GRK3: variants seen among roughly 807,000 people sequenced by gnomAD.
The protein encoded by GRK3 is G protein-coupled receptor kinase 3, also known as adrenergic, beta, receptor kinase 2.
In GRK3, 54 loss-of-function variants were observed where a neutral mutation model predicts 95.7. The observed-to-expected ratio is 0.56, with a 90% CI of 0.45 to 0.71. GRK3 has a LOEUF of 0.71. Among genes scored for constraint, GRK3 ranks in the 30% least tolerant of loss-of-function variants. The probability of loss-of-function intolerance (pLI) is 0.00; values close to 1 mark genes in which losing one functional copy is unlikely to be tolerated. For missense variants in GRK3, 649 were observed against 851.2 expected, an observed-to-expected ratio of 0.76 and a Z score of 2.96; for synonymous variants, 281 against 290.8, an observed-to-expected ratio of 0.97 and a Z score of 0.34.
rs974725093 is a variant in GRK3, at chr22:25,725,779, T to C, written c.*3329T>C. 1.0e-5 allele frequency: 4 copies of C among 391,990 alleles called. No homozygotes were observed. Among genetic ancestry groups the C allele is most frequent in the African/African-American group, 8.3e-5 (4 of 48,470 alleles). The allele number at this position is 391,990 out of a possible 1,614,324, so 24.3% of individuals were successfully genotyped here. On this transcript the variant is annotated 3_prime_UTR_variant, in exon 21 of 21. Transcript: ENST00000324198. ...GGTTAGCAGAGTGAAACCCCGTCTCTACTAAAAATACAAATAAAAATTAGC... is the reference window on the plus strand; with the variant it reads ...GGTTAGCAGAGTGAAACCCCGTCTCCACTAAAAATACAAATAAAAATTAGC...
At chr22:25,638,754 T>C (rs6004727) in intron 2 of GRK3, among the ~76,000 whole-genome samples, 373 of 152,318 alleles carry the variant, frequency 2.4e-3, no homozygotes, top group African/African-American at 8.5e-3. Context: ...ATCTCCCTTC[T>C]CTGCCTGCTG....
intron 1 of GRK3, among the ~76,000 whole-genome samples, chr22:25,600,441 T>C (rs2084402162): frequency 6.6e-6 from 1 of 152,128 alleles, no homozygotes; most frequent in African/African-American, 2.4e-5. Context: ...TGCCTGGCCA[T>C]GTCTGCAGGT....
chr22:25,656,707 G>C (rs549443098), intron 3 of GRK3, among the ~76,000 whole-genome samples: 1 of 152,182 alleles, frequency 6.6e-6, no homozygotes, highest in African/African-American at 2.4e-5. Flanking sequence ...ATCTCTTTGA[G>C]CTTGTATTCT....
Position 25,720,643 on chromosome 22 carries a change from AT to A in GRK3, c.1792-636del, listed in dbSNP as rs1234593624. 4.6e-5 allele frequency among the ~76,000 whole-genome samples: 7 copies of A among 151,624 alleles called. No homozygotes were observed. The East Asian group carries it at 1.4e-3, about 30-fold the overall frequency. On this transcript the variant is annotated intron_variant, in intron 19 of 20. Coordinates refer to ENST00000324198, the MANE Select transcript of GRK3 (RefSeq NM_005160.4). The stretch of plus-strand genomic sequence containing the variant: ...AGGAGCCCGCTACCACGCCCGGCTA[AT>A]TTTTGTATTTTTAGTAGAGACGGGG...
chr22:25,589,714 A>G (rs1932432316), intron 1 of GRK3, among the ~76,000 whole-genome samples: 1 of 152,168 alleles, frequency 6.6e-6, no homozygotes, highest in Admixed American at 6.5e-5. Context: ...CTCAGTTATT[A>G]ATACTGTATT....
chr22:25,714,838 G>GT (rs1336431382), intron 18 of GRK3, among the ~76,000 whole-genome samples: 1 of 152,102 alleles, frequency 6.6e-6, no homozygotes, highest in African/African-American at 2.4e-5. Context: ...TGGTTTGGAC[G>GT]TTTTTTCCTT....
intron 1 of GRK3, among the ~76,000 whole-genome samples, chr22:25,566,876 A>G (rs1931508337): frequency 6.6e-6 from 1 of 151,774 alleles, no homozygotes; most frequent in African/African-American, 2.4e-5. Context: ...TACAAAATTG[A>G]TAAATCTCAA....
rs1429207846 is a variant in GRK3 at position 25,714,455 on chromosome 22, C to T, written c.1539C>T (p.Ile513=). Residue 513 remains isoleucine, a synonymous_variant, in exon 18 of 21, where the codon ATC becomes ATT. Coordinates refer to ENST00000324198, the MANE Select transcript of GRK3 (RefSeq NM_005160.4). The part of the protein sequence containing the change: ...QELYKNFPLV[I]SERWQQEVTE... Reference sequence around the variant, plus strand: ...TCTACAAGAACTTCCCTTTGGTCATCTCTGAACGCTGGCAGCAAGAAGTAA... The same window carrying T: ...TCTACAAGAACTTCCCTTTGGTCATTTCTGAACGCTGGCAGCAAGAAGTAA... 6.2e-7 allele frequency: 1 copy of T among 1,613,998 alleles called. No individual in the cohort carries two copies.
chr22:25,615,872 G>A (rs2084534035), intron 2 of GRK3, among the ~76,000 whole-genome samples: 1 of 147,774 alleles, frequency 6.8e-6, no homozygotes, highest in Non-Finnish European at 1.5e-5. Context: ...AAGTCCTCTG[G>A]GAGAGGAGGG....
In GRK3 at chr22:25,723,667, C is replaced by T. The variant is rs1476551858; in HGVS notation, c.*1217C>T. The T allele has an allele frequency of 1.3e-5, 2 of 152,088 alleles. No individual in the cohort carries two copies. Among genetic ancestry groups the T allele is most frequent in the African/African-American group, 4.8e-5 (2 of 41,404 alleles). 9.4% of individuals were successfully genotyped at this position (152,088 alleles called of 1,614,324 possible). The stretch of plus-strand genomic sequence containing the variant: ...GGTTATGAGAACCAGCGAAATCCCC[C>T]ATGTCATCAGTCTTAAAAAAAAAAT... On this transcript the variant is annotated 3_prime_UTR_variant, in exon 21 of 21. Coordinates refer to ENST00000324198, the MANE Select transcript of GRK3 (RefSeq NM_005160.4).
At chr22:25,700,797 G>A (rs1250318539) in intron 13 of GRK3, among the ~76,000 whole-genome samples, 1 of 152,086 alleles carries the variant, frequency 6.6e-6, no homozygotes, top group Non-Finnish European at 1.5e-5. Flanking sequence ...TTGTTAGCCG[G>A]GATGGTCTTG....
chr22:25,654,607 C>T (rs2084857066), intron 3 of GRK3, among the ~76,000 whole-genome samples: 1 of 152,180 alleles, frequency 6.6e-6, no homozygotes, highest in South Asian at 2.1e-4. Flanking sequence ...CTTGATCTGT[C>T]ATAAAAAATT....
In GRK3 at chr22:25,725,898, G is replaced by A. The variant is rs552656174; in HGVS notation, c.*3448G>A. Reference sequence around the variant, plus strand: ...CGGGAGGCAGAGCTTGCAGTGAGCCGAGATTGCGCCACTGCACTCCAGCCT... The same window carrying A: ...CGGGAGGCAGAGCTTGCAGTGAGCCAAGATTGCGCCACTGCACTCCAGCCT... On this transcript the variant is annotated 3_prime_UTR_variant, in exon 21 of 21. Coordinates refer to ENST00000324198, the MANE Select transcript of GRK3 (RefSeq NM_005160.4). 2.6e-5 allele frequency: 7 copies of A among 264,520 alleles called. No individual in the cohort carries two copies. The highest frequency in any genetic ancestry group is 3.4e-4 in the South Asian group (2 of 5,808). 16.4% of individuals were successfully genotyped at this position (264,520 alleles called of 1,614,324 possible). A position where few individuals can be genotyped will look rare whatever the true frequency, so the allele number is the denominator to read the frequency against.
intron 3 of GRK3, among the ~76,000 whole-genome samples, chr22:25,651,696 T>A (rs993340789): frequency 7.9e-5 from 12 of 152,228 alleles, no homozygotes; most frequent in African/African-American, 2.9e-4. Context: ...GAAAAGTTGA[T>A]GGTATTCATT....
At chr22:25,697,460 A>C (rs1413702690) in intron 13 of GRK3, among the ~76,000 whole-genome samples, 1 of 152,244 alleles carries the variant, frequency 6.6e-6, no homozygotes, top group Non-Finnish European at 1.5e-5. Context: ...CCTGCCGAAA[A>C]GAGTCTTGAC....
chr22:25,706,464 C>G (rs1436511670), intron 15 of GRK3, among the ~76,000 whole-genome samples: 1 of 152,106 alleles, frequency 6.6e-6, no homozygotes, highest in Non-Finnish European at 1.5e-5. Flanking sequence ...GTCAGCACCC[C>G]CTCTTGTCTG....
At chr22:25,646,626 G>A (rs926976678) in intron 3 of GRK3, among the ~76,000 whole-genome samples, 1 of 151,950 alleles carries the variant, frequency 6.6e-6, no homozygotes, top group South Asian at 2.1e-4. Context: ...TTTAAACTAG[G>A]AAAAAAATAT....
intron 1 of GRK3, among the ~76,000 whole-genome samples, chr22:25,567,725 AT>A (rs370769461): frequency 6.6e-6 from 1 of 152,152 alleles, no homozygotes; most frequent in Non-Finnish European, 1.5e-5. Context: ...ATCACTAGTG[AT>A]TTTTTTATTT....
chr22:25,582,511 A>G (rs1283322272), intron 1 of GRK3, among the ~76,000 whole-genome samples: 2 of 152,238 alleles, frequency 1.3e-5, no homozygotes, highest in Non-Finnish European at 2.9e-5. Flanking sequence ...ATTCCAAATG[A>G]GAATTTTAGA....
Sources: gnomAD v4.1 joint callset for allele counts (sites outside exome capture counted in the v4.1 genomes callset) on GRCh38, gnomAD v4.1.1 for gene constraint, MANE v1.5 for transcripts, NCBI Gene and HGNC (gene_info 2026-07-23, HGNC 2026-07-21) for gene names.